Variants in SENP7 observed in about 807,000 individuals in gnomAD.
SENP7 encodes the protein SUMO specific peptidase 7.
SENP7 carries 64 observed loss-of-function variants against 141.2 expected under a neutral mutation model. The ratio of observed to expected loss-of-function variants is 0.45; its 90% CI spans 0.37 to 0.56. SENP7 has a LOEUF of 0.56. Among genes scored for constraint, SENP7 ranks in the 20% least tolerant of loss-of-function variants. The pLI is 0.00. For synonymous variants in SENP7, 382 were observed against 426.4 expected (o/e 0.90, Z 1.28); for missense variants, 1,025 against 1,212.2 (o/e 0.85, Z 2.29).
chr3:101,448,651 C>T (rs1440353144), intron 4 of SENP7, among the ~76,000 whole-genome samples: 2 of 152,130 alleles, frequency 1.3e-5, no homozygotes, highest in Non-Finnish European at 2.9e-5. Context: ...CTCAGCAGAC[C>T]TGCAGCTGAG....
chr3:101,385,783 T>C (rs1290148527), intron 6 of SENP7, among the ~76,000 whole-genome samples: 1 of 152,112 alleles, frequency 6.6e-6, no homozygotes, highest in Non-Finnish European at 1.5e-5. Context: ...CTGACACATC[T>C]AGAATTATAA....
chr3:101,421,751 C>A (rs2061796986), intron 4 of SENP7, among the ~76,000 whole-genome samples: 1 of 152,092 alleles, frequency 6.6e-6, no homozygotes, highest in African/African-American at 2.4e-5. Context: ...TTTTTCCCCC[C>A]AAACTAGTAA....
chr3:101,338,835 A>G (rs2107171809), intron 16 of SENP7, among the ~76,000 whole-genome samples: 1 of 152,328 alleles, frequency 6.6e-6, no homozygotes, highest in Middle Eastern at 3.4e-3. Flanking sequence ...CCTCAGTAGT[A>G]AGATTAAGTT....
At chr3:101,496,578 CT>C (rs368850019) in intron 2 of SENP7, among the ~76,000 whole-genome samples, 521 of 133,230 alleles carry the variant, frequency 3.9e-3, no homozygotes, top group African/African-American at 9.4e-3. Context: ...ACTTCAAACA[CT>C]TTTTTTTTTT....
chr3:101,439,998 G>T (rs1352222310), intron 4 of SENP7, among the ~76,000 whole-genome samples: 7 of 82,626 alleles, frequency 8.5e-5, no homozygotes, highest in African/African-American at 2.6e-4. Context: ...GAGGTGAGGG[G>T]CGCCTCTGCC....
intron 4 of SENP7, among the ~76,000 whole-genome samples, chr3:101,429,200 TAA>T (rs1410829820): frequency 7.7e-6 from 1 of 129,734 alleles, no homozygotes; most frequent in Non-Finnish European, 1.7e-5. Context: ...ATACGAAATT[TAA>T]AGTAGTTCTT....
intron 11 of SENP7, among the ~76,000 whole-genome samples, chr3:101,360,081 T>C (rs1172824673): frequency 6.6e-6 from 1 of 151,872 alleles, no homozygotes; most frequent in Non-Finnish European, 1.5e-5. Context: ...TAAAGTAAAA[T>C]AGGGGAGAAA....
In SENP7 at chr3:101,368,005, T is replaced by C. The variant is rs374371440; in HGVS notation, c.803A>G (p.Asn268Ser). ...ATGATCACAACCTCTACTTCCACTG[T>C]TAAGGTCTTAAAAAACAAATGAAGC... ...LISDTQPEDL[N>S]SGSRGCDHLE... is the part of the protein sequence containing the mutation. The change falls in exon 8 of 24, where the codon AAC (asparagine) becomes AGC (serine). Residue 268 changes from asparagine (N) to serine (S), a missense_variant. Around this residue, in one of 4 missense-constraint regions of SENP7, gnomAD observed 496 missense variants for 503.5 expected, o/e 0.99. Coordinates refer to ENST00000394095, the MANE Select transcript of SENP7 (RefSeq NM_020654.5). 18 of 1,601,220 alleles carry C rather than the reference T, an allele frequency of 1.1e-5. No homozygotes were observed. The highest frequency in any genetic ancestry group is 1.4e-5 in the Non-Finnish European group (17 of 1,175,784).
chr3:101,419,707 T>C (rs531616050), intron 4 of SENP7, among the ~76,000 whole-genome samples: 1 of 152,294 alleles, frequency 6.6e-6, no homozygotes, highest in South Asian at 2.1e-4. Context: ...TTTAAATGCT[T>C]ATGGGAAGCA....
chr3:101,473,120 T>C (rs2064075067), intron 3 of SENP7, among the ~76,000 whole-genome samples: 1 of 152,216 alleles, frequency 6.6e-6, no homozygotes, highest in Non-Finnish European at 1.5e-5. Flanking sequence ...ACATTTTCTT[T>C]ATCCAGTAAA....
At chr3:101,363,717 A>G (rs6804397) in intron 10 of SENP7, among the ~76,000 whole-genome samples, 9,907 of 152,262 alleles carry the variant, frequency 0.065, 618 homozygotes, top group East Asian at 0.22. Flanking sequence ...GGTGATTTCT[A>G]CGTGGAATAC....
At chr3:101,329,171 C>T (rs2058980255) in intron 20 of SENP7, among the ~76,000 whole-genome samples, 1 of 152,286 alleles carries the variant, frequency 6.6e-6, no homozygotes, top group East Asian at 1.9e-4. Context: ...AACTTAAGCA[C>T]ATTTATTTAA....
At chr3:101,397,200 T>C (rs972075566) in intron 6 of SENP7, among the ~76,000 whole-genome samples, 5 of 151,944 alleles carry the variant, frequency 3.3e-5, no homozygotes, top group East Asian at 1.9e-4. Flanking sequence ...GTGGCTATCA[T>C]AGCTCACTGC....
At chr3:101,338,292 T>G (rs2059241577) in intron 16 of SENP7, among the ~76,000 whole-genome samples, 1 of 151,722 alleles carries the variant, frequency 6.6e-6, no homozygotes, top group South Asian at 2.1e-4. Flanking sequence ...GGAGTGAGGG[T>G]AGAAAATATT....
chr3:101,399,243 G>A (rs946647557), intron 5 of SENP7, among the ~76,000 whole-genome samples, 188 bp from the exon 6 acceptor site: 3 of 152,134 alleles, frequency 2.0e-5, no homozygotes, highest in Non-Finnish European at 2.9e-5. Flanking sequence ...GTTTATAGAA[G>A]CACTTGTTTC....
At chr3:101,452,209 A>C (rs1272226116) in intron 4 of SENP7, among the ~76,000 whole-genome samples, 1 of 151,884 alleles carries the variant, frequency 6.6e-6, no homozygotes, top group Non-Finnish European at 1.5e-5. Flanking sequence ...TCAATGAAAT[A>C]AAAGAGGACA....
In SENP7 at chr3:101,408,548, T is replaced by A. The variant is rs535802002; in HGVS notation, c.482+9045A>T. 2.0e-4 allele frequency among the ~76,000 whole-genome samples: 30 copies of A among 152,172 alleles called. No homozygotes were observed. In the South Asian group the frequency reaches 5.8e-3, roughly 29 times the overall value. On this transcript the variant is annotated intron_variant, in intron 5 of 23. Transcript: ENST00000394095. ...AAAGTCCTTAACAAAATATGAGCTA[T>A]CTGAATCCAACAACATGTCAAAAAG...
chr3:101,453,058 T>C (rs1247835571), intron 4 of SENP7, among the ~76,000 whole-genome samples: 2 of 152,192 alleles, frequency 1.3e-5, no homozygotes, highest in African/African-American at 2.4e-5. Context: ...GGGTGAAGGA[T>C]ATGAACAGAC....
chr3:101,338,984 T>C (rs4593004), intron 16 of SENP7, among the ~76,000 whole-genome samples: 61,272 of 151,950 alleles, frequency 0.4, 12,790 homozygotes, highest in Admixed American at 0.54. Flanking sequence ...CATGCAAAAG[T>C]GCAAAGAAAT....
Sources: allele counts gnomAD v4.1 joint callset (sites outside exome capture counted in the v4.1 genomes callset), GRCh38; gene constraint gnomAD v4.1.1; regional missense constraint gnomAD v4.1.1; transcripts MANE v1.5; gene names NCBI Gene and HGNC (gene_info 2026-07-23, HGNC 2026-07-21).